Variants in RGPD3 observed in about 807,000 individuals in gnomAD.
RGPD3 encodes the protein RANBP2 like and GRIP domain containing 3.
RGPD3 carries 62 observed loss-of-function variants against 154.5 expected under a neutral mutation model. The ratio of observed to expected loss-of-function variants is 0.40; its 90% CI spans 0.33 to 0.50. RGPD3 has a LOEUF of 0.50. Among genes scored for constraint, RGPD3 ranks in the 20% least tolerant of loss-of-function variants. The pLI is 0.59. For missense variants in RGPD3, 919 were observed against 1,716.8 expected (o/e 0.54, Z 8.21); for synonymous variants, 308 against 607.0 (o/e 0.51, Z 7.24).
chr2:106,412,707 G>T, intron 22 of RGPD3: 1 of 464,394 alleles, frequency 2.2e-6, no homozygotes, highest in Non-Finnish European at 4.3e-6. Flanking sequence ...GCTATTTGGG[G>T]TTGGAGGAAG....
intron 6 of RGPD3, among the ~76,000 whole-genome samples, chr2:106,447,820 C>A (rs1174331225): frequency 6.7e-6 from 1 of 150,336 alleles, no homozygotes; most frequent in Non-Finnish European, 1.5e-5. Context: ...TCATGCTTAA[C>A]CTCTCAAATG....
chr2:106,467,450 G>A (rs1281528567), intron 1 of RGPD3, among the ~76,000 whole-genome samples: 23 of 75,452 alleles, frequency 3.0e-4, no homozygotes, highest in Non-Finnish European at 4.4e-4. Flanking sequence ...GGTCGAGGCC[G>A]CCGCCTCAAC....
chr2:106,415,574 G>C (rs972102959), intron 21 of RGPD3, among the ~76,000 whole-genome samples: 1 of 148,120 alleles, frequency 6.8e-6, no homozygotes, highest in Non-Finnish European at 1.5e-5. Context: ...CTACTTGGGA[G>C]GCTGAGGCAG....
chr2:106,449,593 T>A (rs543951994), intron 6 of RGPD3, among the ~76,000 whole-genome samples: 16 of 151,566 alleles, frequency 1.1e-4, no homozygotes, highest in African/African-American at 3.9e-4. Context: ...ATAACCCACA[T>A]ACGGCCGGGT....
chr2:106,439,808 G>T (rs879528269), intron 8 of RGPD3, among the ~76,000 whole-genome samples: 678 of 97,970 alleles, frequency 6.9e-3, no homozygotes, highest in African/African-American at 0.018. Flanking sequence ...GGAGCTTGCA[G>T]TGAGCCGAGA....
chr2:106,430,455 T>C (rs1677336815), intron 17 of RGPD3, among the ~76,000 whole-genome samples: 1 of 143,786 alleles, frequency 7.0e-6, no homozygotes, highest in South Asian at 2.4e-4. Context: ...CTAAACTTCT[T>C]TCCCCAACTT....
chr2:106,431,610 A>G (rs1487013616), intron 17 of RGPD3, among the ~76,000 whole-genome samples: 1 of 150,674 alleles, frequency 6.6e-6, no homozygotes, highest in African/African-American at 2.4e-5. Context: ...ATAGGCCATG[A>G]CTACACAGAA....
intron 4 of RGPD3, among the ~76,000 whole-genome samples, chr2:106,454,716 A>G (rs1194699585): frequency 6.6e-6 from 1 of 152,090 alleles, no homozygotes; most frequent in Non-Finnish European, 1.5e-5. Context: ...CTGCCATTAC[A>G]TATGTTCTTT....
At chr2:106,426,681 C>T (rs1677206845) in intron 18 of RGPD3, among the ~76,000 whole-genome samples, 1 of 152,188 alleles carries the variant, frequency 6.6e-6, no homozygotes, top group African/African-American at 2.4e-5. Flanking sequence ...GTCTGTTTTA[C>T]CAGGAAACAA....
chr2:106,426,783 A>C (rs1345914965), intron 18 of RGPD3, among the ~76,000 whole-genome samples: 1 of 152,262 alleles, frequency 6.6e-6, no homozygotes, highest in Admixed American at 6.5e-5. Context: ...AACAACCAAA[A>C]GATCTTTCAT....
At chr2:106,466,117 A>T (rs1434750703) in intron 1 of RGPD3, among the ~76,000 whole-genome samples, 20 of 151,826 alleles carry the variant, frequency 1.3e-4, no homozygotes, top group Non-Finnish European at 2.8e-4. Context: ...CTACGGGGCC[A>T]GAAAGCCCGG....
intron 1 of RGPD3, 42 bp downstream of exon 1, chr2:106,468,175 C>T: frequency 6.4e-7 from 1 of 1,569,106 alleles, no homozygotes; most frequent in African/African-American, 1.4e-5. Flanking sequence ...AGGCCGCCGC[C>T]CGGCCAGGTC....
In RGPD3 at chr2:106,423,727, C is replaced by G; in HGVS notation, c.4240G>C (p.Asp1414His). ...KLCANHRITP[D>H]MSLQNMKGTE... ...CCTTTCATATTTTGCAAACTCATGTCTGGAGTTATTCTGTGATTGGCACAA... is the reference window on the plus strand; with the variant it reads ...CCTTTCATATTTTGCAAACTCATGTGTGGAGTTATTCTGTGATTGGCACAA... Residue 1414 changes from aspartate (D) to histidine (H), a missense_variant, in exon 20 of 23, where the codon GAC becomes CAC. Physicochemically the swap from Asp to His is moderately conservative, Grantham distance 81 (BLOSUM62 -1). Coordinates refer to ENST00000409886, the MANE Select transcript of RGPD3 (RefSeq NM_001144013.2). 3.7e-6 allele frequency: 6 copies of G among 1,611,704 alleles called. No homozygotes were observed. The highest frequency in any genetic ancestry group is 5.1e-6 in the Non-Finnish European group (6 of 1,179,798).
In RGPD3 at chr2:106,405,101, A is replaced by G. The variant is rs560396129; in HGVS notation, c.*118T>C. On this transcript the variant is annotated 3_prime_UTR_variant, in exon 23 of 23. Transcript: ENST00000409886. ...TGACAAAAGAATGATGGTAATACACATGAACCATTTTTGTAAATAGATTTT... is the reference window on the plus strand; with the variant it reads ...TGACAAAAGAATGATGGTAATACACGTGAACCATTTTTGTAAATAGATTTT... The G allele has an allele frequency of 1.3e-5, 18 of 1,429,732 alleles. No individual in the cohort carries two copies. The African/African-American group carries it at 2.1e-4, about 17-fold the overall frequency. 88.6% of individuals were successfully genotyped at this position (1,429,732 alleles called of 1,614,324 possible). A position where few individuals can be genotyped will look rare whatever the true frequency, so the allele number is the denominator to read the frequency against.
intron 18 of RGPD3, among the ~76,000 whole-genome samples, chr2:106,426,662 C>T (rs1677206314): frequency 6.6e-6 from 1 of 152,214 alleles, no homozygotes; most frequent in African/African-American, 2.4e-5. Context: ...TGTCTGCTCC[C>T]TCTGTTTGGT....
chr2:106,420,578 AAC>A (rs1254124882), intron 20 of RGPD3, among the ~76,000 whole-genome samples: 2 of 152,370 alleles, frequency 1.3e-5, no homozygotes, highest in Non-Finnish European at 2.9e-5. Flanking sequence ...AGTAAGTGTA[AAC>A]ACACACACTG....
chr2:106,466,183 G>C (rs879473930), intron 1 of RGPD3, among the ~76,000 whole-genome samples: 1 of 152,128 alleles, frequency 6.6e-6, no homozygotes, highest in Non-Finnish European at 1.5e-5. Context: ...GAACAAGCCG[G>C]GAGAAAGAGG....
At chr2:106,425,372 A>T in intron 19 of RGPD3, 106 bp from the exon 20 acceptor site, 1 of 1,512,918 alleles carries the variant, frequency 6.6e-7, no homozygotes, top group Middle Eastern at 2.5e-4. Flanking sequence ...TGTTAACAAT[A>T]ATGATGATGA....
intron 21 of RGPD3, among the ~76,000 whole-genome samples, chr2:106,413,918 C>G (rs1419497643): frequency 6.6e-6 from 1 of 152,126 alleles, no homozygotes; most frequent in African/African-American, 2.4e-5. Context: ...CTGCCTTCTA[C>G]TTTTGATAGA....
Sources: allele counts gnomAD v4.1 joint callset (sites outside exome capture counted in the v4.1 genomes callset), GRCh38; gene constraint gnomAD v4.1.1; transcripts MANE v1.5; gene names NCBI Gene and HGNC (gene_info 2026-07-23, HGNC 2026-07-21).